LOC128462377: variants seen among roughly 807,000 people sequenced by gnomAD.
the LOC128462377 span, chr16:89,323,078 G>A: frequency 1.6e-5 from 5 of 303,946 alleles, no homozygotes; most frequent in South Asian, 5.1e-5. Flanking sequence ...GATGCTTTAC[G>A]GCAACCCCTG....
the LOC128462377 span, among the ~76,000 whole-genome samples, chr16:89,386,041 G>A: frequency 1.3e-5 from 2 of 152,196 alleles, no homozygotes; most frequent in African/African-American, 4.8e-5. Context: ...CGCCATGCCC[G>A]CAAACTGGGT....
At chr16:89,385,929 C>T in the LOC128462377 span, among the ~76,000 whole-genome samples, 3 of 152,238 alleles carry the variant, frequency 2.0e-5, no homozygotes, top group African/African-American at 7.2e-5. Flanking sequence ...GGTCACCACA[C>T]GGATGCCAAA....
the LOC128462377 span, among the ~76,000 whole-genome samples, chr16:89,371,601 A>G: frequency 6.6e-6 from 1 of 152,164 alleles, no homozygotes; most frequent in South Asian, 2.1e-4. Flanking sequence ...CCCACATTCA[A>G]GGGTGCTGTG....
At chr16:89,377,216 G>A in the LOC128462377 span, among the ~76,000 whole-genome samples, 3 of 152,070 alleles carry the variant, frequency 2.0e-5, no homozygotes, top group South Asian at 6.2e-4. Context: ...GGGGTCATAG[G>A]ACCTGTAAGG....
the LOC128462377 span, among the ~76,000 whole-genome samples, chr16:89,353,488 A>T: frequency 2.0e-5 from 3 of 151,456 alleles, no homozygotes; most frequent in Non-Finnish European, 1.5e-5. Context: ...TCACTTTTTC[A>T]TTTTTTTGAG....
the LOC128462377 span, among the ~76,000 whole-genome samples, chr16:89,330,891 G>C: frequency 6.6e-6 from 1 of 152,178 alleles, no homozygotes; most frequent in African/African-American, 2.4e-5. Context: ...TGACTGTACA[G>C]TTCTAGTTAG....
At chr16:89,326,223 T>C in the LOC128462377 span, among the ~76,000 whole-genome samples, 4 of 152,090 alleles carry the variant, frequency 2.6e-5, no homozygotes. Context: ...ACTCAGCAGA[T>C]TTCCTCCAAG....
the LOC128462377 span, among the ~76,000 whole-genome samples, chr16:89,369,792 T>C: frequency 2.0e-5 from 3 of 152,194 alleles, no homozygotes; most frequent in African/African-American, 7.2e-5. Flanking sequence ...AATGCCGATA[T>C]ACACCCTAGG....
At chr16:89,333,621 T>C in the LOC128462377 span, among the ~76,000 whole-genome samples, 3 of 152,220 alleles carry the variant, frequency 2.0e-5, no homozygotes, top group African/African-American at 7.2e-5. Context: ...CTACAGTGTG[T>C]AGTCCTTGGA....
the LOC128462377 span, among the ~76,000 whole-genome samples, chr16:89,350,489 A>T: frequency 6.6e-6 from 1 of 152,228 alleles, no homozygotes; most frequent in East Asian, 1.9e-4. Context: ...TAAACTACTG[A>T]CATACACCAC....
At chr16:89,350,011 G>C in the LOC128462377 span, among the ~76,000 whole-genome samples, 2 of 151,904 alleles carry the variant, frequency 1.3e-5, no homozygotes, top group East Asian at 3.9e-4. Context: ...ATGAGCAAAT[G>C]GCAGATATGA....
At chr16:89,335,061 G>A in the LOC128462377 span, among the ~76,000 whole-genome samples, 1 of 152,094 alleles carries the variant, frequency 6.6e-6, no homozygotes, top group East Asian at 1.9e-4. Flanking sequence ...ATGTTATACC[G>A]CAAAGAACAA....
the LOC128462377 span, among the ~76,000 whole-genome samples, chr16:89,347,343 C>T: frequency 1.3e-5 from 2 of 152,200 alleles, no homozygotes; most frequent in Non-Finnish European, 2.9e-5. Context: ...GGCACACTGG[C>T]TCATGCCTGT....
the LOC128462377 span, among the ~76,000 whole-genome samples, chr16:89,363,034 G>C: frequency 1.3e-5 from 2 of 151,874 alleles, no homozygotes; most frequent in East Asian, 1.9e-4. Context: ...TGGCAAAACT[G>C]CTGGCGAGTG....
chr16:89,395,188 C>G, the LOC128462377 span, among the ~76,000 whole-genome samples: 1 of 152,234 alleles, frequency 6.6e-6, no homozygotes, highest in Non-Finnish European at 1.5e-5. Context: ...AAGTTAGAGG[C>G]TTGGTCAATT....
At chr16:89,410,937 G>A in the LOC128462377 span, among the ~76,000 whole-genome samples, 1 of 152,258 alleles carries the variant, frequency 6.6e-6, no homozygotes, top group African/African-American at 2.4e-5. Context: ...GAGCTGGGCA[G>A]CTCCTGCTGC....
the LOC128462377 span, among the ~76,000 whole-genome samples, chr16:89,363,045 T>G: frequency 1.3e-5 from 2 of 151,988 alleles, no homozygotes; most frequent in Non-Finnish European, 2.9e-5. Flanking sequence ...CTGGCGAGTG[T>G]ACCCTTTCTG....
chr16:89,363,293 G>A, the LOC128462377 span, among the ~76,000 whole-genome samples: 15 of 152,004 alleles, frequency 9.9e-5, no homozygotes, highest in South Asian at 1.0e-3. Context: ...TGTATTTGAC[G>A]GTGCATGCGA....
chr16:89,399,888 G>A, the LOC128462377 span, among the ~76,000 whole-genome samples: 25 of 152,280 alleles, frequency 1.6e-4, no homozygotes, highest in African/African-American at 5.1e-4. Context: ...GCACAGAATC[G>A]GCTCCCAGAG....
Sources: allele counts gnomAD v4.1 joint callset (sites outside exome capture counted in the v4.1 genomes callset), GRCh38; gene constraint gnomAD v4.1.1; transcripts MANE v1.5.